The following SLC24A2 variants were observed in gnomAD, a reference collection of about 807,000 sequenced individuals.
The protein encoded by SLC24A2 is sodium/potassium/calcium exchanger 2.
SLC24A2 carries 36 observed loss-of-function variants against 62.0 expected under a neutral mutation model. The ratio of observed to expected loss-of-function variants is 0.58; its 90% CI spans 0.44 to 0.77. The LOEUF is 0.77. SLC24A2 is among the 30% of genes least tolerant of loss of function. SLC24A2 has a pLI of 0.00. For synonymous variants in SLC24A2, 358 were observed against 294.0 expected (o/e 1.22, Z -2.23); for missense variants, 846 against 817.9 (o/e 1.03, Z -0.42).
chr9:20,281,835 A>C, the SLC24A2 span, among the ~76,000 whole-genome samples: 2 of 152,212 alleles, frequency 1.3e-5, no homozygotes, highest in African/African-American at 4.8e-5. Flanking sequence ...GGGAAAATTG[A>C]TATCTCTACA....
the SLC24A2 span, among the ~76,000 whole-genome samples, chr9:20,263,512 A>C: frequency 1.3e-5 from 2 of 152,236 alleles, no homozygotes; most frequent in African/African-American, 4.8e-5. Context: ...GCCCCCCAAA[A>C]GCGTTAAGAT....
chr9:19,567,804 G>T (rs1029660915), intron 7 of SLC24A2, among the ~76,000 whole-genome samples: 4 of 151,880 alleles, frequency 2.6e-5, no homozygotes, highest in African/African-American at 9.7e-5. Flanking sequence ...AAAAGCTAGT[G>T]ATCGCTCAGC....
the SLC24A2 span, among the ~76,000 whole-genome samples, chr9:20,180,662 A>G: frequency 6.6e-6 from 1 of 152,154 alleles, no homozygotes; most frequent in East Asian, 1.9e-4. Flanking sequence ...ATTAGAGCCT[A>G]AAGACTTGGG....
chr9:19,558,550 C>T (rs1175902528), intron 7 of SLC24A2, among the ~76,000 whole-genome samples: 7 of 152,136 alleles, frequency 4.6e-5, no homozygotes, highest in Admixed American at 4.6e-4. Flanking sequence ...GGTCTGGCTA[C>T]TTCTAAAATG....
At chr9:19,673,929 T>C (rs191147151) in intron 2 of SLC24A2, among the ~76,000 whole-genome samples, 1 of 152,306 alleles carries the variant, frequency 6.6e-6, no homozygotes, top group Non-Finnish European at 1.5e-5. Flanking sequence ...AATATCTTGT[T>C]GTTTATTTGT....
At chr9:19,967,678 C>T in the SLC24A2 span, 5 of 152,116 alleles carry the variant, frequency 3.3e-5, no homozygotes, top group East Asian at 1.9e-4. Flanking sequence ...AAGATATATC[C>T]AAACACTGTA....
the SLC24A2 span, among the ~76,000 whole-genome samples, chr9:19,896,566 A>T: frequency 2.6e-5 from 4 of 152,166 alleles, no homozygotes; most frequent in Non-Finnish European, 5.9e-5. Context: ...GGAAAGTACA[A>T]CTGGTATCAT....
At chr9:19,568,209 G>A (rs988214354) in intron 7 of SLC24A2, among the ~76,000 whole-genome samples, 2 of 152,140 alleles carry the variant, frequency 1.3e-5, no homozygotes, top group African/African-American at 2.4e-5. Flanking sequence ...TGATCATCCC[G>A]CGTTCACATT....
intron 9 of SLC24A2, 29 bp downstream of exon 9, chr9:19,528,020 G>A (rs1325485491): frequency 8.9e-6 from 12 of 1,350,638 alleles, no homozygotes; most frequent in Admixed American, 7.7e-5. Context: ...GAAAAACAAG[G>A]CAGAGGCATG....
At position 19,786,399 on chromosome 9, in the gene SLC24A2, G is replaced by A; in HGVS notation, c.468C>T (p.Phe156=). 6.2e-7 allele frequency: 1 copy of A among 1,614,172 alleles called. No individual in the cohort carries two copies. Among genetic ancestry groups the A allele is most frequent in the Non-Finnish European group, 8.5e-7 (1 of 1,180,046 alleles). ...FIALAIVCDE[F]FVPSLTVITE... ...TGATGACAGTCAAAGAAGGAACAAA[G>A]AACTCATCACAGACAATGGCTAAGG... Residue 156 remains phenylalanine (F), a synonymous_variant, in exon 2 of 11, where the codon TTC becomes TTT. Coordinates refer to ENST00000341998, the MANE Select transcript of SLC24A2 (RefSeq NM_020344.4). The surrounding 1 kb of genome is among the most constrained non-coding windows in gnomAD (Gnocchi z 5.0).
chr9:20,213,634 C>A, the SLC24A2 span, among the ~76,000 whole-genome samples: 4 of 152,132 alleles, frequency 2.6e-5, no homozygotes, highest in Middle Eastern at 3.4e-3. Flanking sequence ...AGCCATGGAG[C>A]TTTTTAAATT....
intron 2 of SLC24A2, among the ~76,000 whole-genome samples, chr9:19,635,931 T>C (rs1380252811): frequency 6.6e-6 from 1 of 152,250 alleles, no homozygotes; most frequent in Non-Finnish European, 1.5e-5. Flanking sequence ...AGGTGACTTG[T>C]TGCCTTAGCA....
At chr9:20,231,731 A>T in the SLC24A2 span, among the ~76,000 whole-genome samples, 2 of 151,584 alleles carry the variant, frequency 1.3e-5, no homozygotes, top group African/African-American at 2.4e-5. Flanking sequence ...TTTATTTCTT[A>T]CTCCTGCCTG....
At chr9:20,183,009 T>C in the SLC24A2 span, among the ~76,000 whole-genome samples, 1 of 152,202 alleles carries the variant, frequency 6.6e-6, no homozygotes. Flanking sequence ...TGCAAAAAGA[T>C]AAGGCAGGAT....
At chr9:20,107,718 G>A in the SLC24A2 span, among the ~76,000 whole-genome samples, 1 of 152,068 alleles carries the variant, frequency 6.6e-6, no homozygotes, top group Non-Finnish European at 1.5e-5. Flanking sequence ...AGACTTAAAT[G>A]TTAGACCTAA....
the SLC24A2 span, among the ~76,000 whole-genome samples, chr9:19,806,617 A>C: frequency 6.6e-6 from 1 of 152,322 alleles, no homozygotes; most frequent in Middle Eastern, 3.4e-3. Flanking sequence ...ATCTGATCTA[A>C]GTTAGACAGA....
At chr9:20,062,259 A>C in the SLC24A2 span, among the ~76,000 whole-genome samples, 3 of 152,132 alleles carry the variant, frequency 2.0e-5, no homozygotes, top group Non-Finnish European at 4.4e-5. Context: ...AAGACTTAGT[A>C]ACCAAAACAG....
chr9:20,220,128 C>A, the SLC24A2 span, among the ~76,000 whole-genome samples: 1 of 150,968 alleles, frequency 6.6e-6, no homozygotes, highest in Admixed American at 6.6e-5. Flanking sequence ...TTTTTTTCTC[C>A]TCATAACATG....
intron 2 of SLC24A2, among the ~76,000 whole-genome samples, chr9:19,719,111 G>C (rs373204905): frequency 1.8e-4 from 28 of 152,188 alleles, no homozygotes; most frequent in African/African-American, 6.5e-4. Flanking sequence ...CTTCCTTCTG[G>C]GTATAAACTG....
Sources: gnomAD v4.1 joint callset for allele counts (sites outside exome capture counted in the v4.1 genomes callset) on GRCh38, gnomAD v4.1.1 for gene constraint, Gnocchi (gnomAD v3.1) non-coding constraint, MANE v1.5 for transcripts, NCBI Gene and HGNC (gene_info 2026-07-23, HGNC 2026-07-21) for gene names.